Variants in NIPBL observed in about 807,000 individuals in gnomAD.
NIPBL encodes the protein nipped-B-like protein.
In NIPBL, 19 loss-of-function variants were observed where a neutral mutation model predicts 321.8. That is an observed-to-expected ratio of 0.06 (90% CI 0.04 to 0.09). The LOEUF is 0.09. Among genes scored for constraint, NIPBL ranks in the 10% least tolerant of loss-of-function variants. The probability of loss-of-function intolerance (pLI) is 1.00; values close to 1 mark genes in which losing one functional copy is unlikely to be tolerated. For missense variants in NIPBL, 2,210 were observed against 3,327.0 expected (o/e 0.66, Z 8.26); for synonymous variants, 1,106 against 1,114.1 (o/e 0.99, Z 0.14).
chr5:37,043,205 G>T (rs1752627650), intron 34 of NIPBL, among the ~76,000 whole-genome samples: 1 of 152,060 alleles, frequency 6.6e-6, no homozygotes, highest in Admixed American at 6.6e-5. Flanking sequence ...AAACCAGCCT[G>T]CGCAACATAG....
rs2149724145 is a variant in NIPBL, at chr5:37,040,722, G to A, written c.6108+1984G>A. Among the ~76,000 whole-genome samples, 3 of 152,230 alleles carry A rather than the reference G, an allele frequency of 2.0e-5. 1 individual carries two copies. In the South Asian group the frequency reaches 6.2e-4, roughly 32 times the overall value. ...TTTGTTGGAACAGTTTCTGAGAAGT[G>A]GACTTGCTAGGTTGAAACAATGGTT... On this transcript the variant is annotated intron_variant, in intron 34 of 46. Coordinates refer to ENST00000282516, the MANE Select transcript of NIPBL (RefSeq NM_133433.4).
intron 1 of NIPBL, 108 bp from the exon 2 acceptor site, chr5:36,953,510 G>A (rs1359307311): frequency 1.6e-6 from 1 of 619,172 alleles, no homozygotes; most frequent in Non-Finnish European, 2.9e-6. Flanking sequence ...TATTATATAG[G>A]TTGAACAAAC....
chr5:37,002,441 A>C (rs1343587747), intron 14 of NIPBL, among the ~76,000 whole-genome samples: 1 of 152,206 alleles, frequency 6.6e-6, no homozygotes, highest in Non-Finnish European at 1.5e-5. Flanking sequence ...CTAAAGTAGT[A>C]AAGATAAGAT....
chr5:36,947,098 AAT>A (rs1298076491), intron 1 of NIPBL, among the ~76,000 whole-genome samples: 2 of 152,102 alleles, frequency 1.3e-5, no homozygotes, highest in African/African-American at 4.8e-5. Context: ...TAAGGAAAGG[AAT>A]ATATAAATAT....
chr5:37,021,997 A>T, intron 27 of NIPBL, 54 bp from the exon 28 acceptor site: 1 of 1,323,166 alleles, frequency 7.6e-7, no homozygotes, highest in Non-Finnish European at 1.1e-6. Context: ...TGCTATTTTT[A>T]ATTAAATTTT....
chr5:36,923,911 A>T (rs555862933), intron 1 of NIPBL, among the ~76,000 whole-genome samples: 3 of 152,336 alleles, frequency 2.0e-5, no homozygotes, highest in Middle Eastern at 3.4e-3. Context: ...TTTTGAGTGA[A>T]TGAATTCCTG....
intron 2 of NIPBL, 40 bp downstream of exon 2, chr5:36,953,800 T>G: frequency 6.7e-7 from 1 of 1,498,600 alleles, no homozygotes; most frequent in Non-Finnish European, 9.3e-7. Flanking sequence ...TTCTACTGTG[T>G]GTTAACAATA....
chr5:37,055,208 A>G (rs1753969584), intron 42 of NIPBL, among the ~76,000 whole-genome samples: 1 of 152,000 alleles, frequency 6.6e-6, no homozygotes, highest in African/African-American at 2.4e-5. Context: ...AAAATTAGCC[A>G]GGCATGATGG....
intron 1 of NIPBL, among the ~76,000 whole-genome samples, chr5:36,898,110 C>T (rs1746911087): frequency 1.3e-5 from 2 of 152,036 alleles, no homozygotes; most frequent in South Asian, 4.1e-4. Context: ...TAAAAAGATG[C>T]CCAAACTTAC....
chr5:36,918,964 AG>A (rs1284688918), intron 1 of NIPBL, among the ~76,000 whole-genome samples: 2 of 152,084 alleles, frequency 1.3e-5, no homozygotes. Context: ...AATGTCCATC[AG>A]GGGTATTGGT....
At chr5:37,003,723 A>G (rs1243655120) in intron 16 of NIPBL, among the ~76,000 whole-genome samples, 1 of 152,140 alleles carries the variant, frequency 6.6e-6, no homozygotes, top group Non-Finnish European at 1.5e-5. Flanking sequence ...ACATTTCGTT[A>G]ATTTGAGCAT....
chr5:37,000,695 AGTTTCTATGTGCAGT>A (rs1746690459), intron 12 of NIPBL, 107 bp from the exon 13 acceptor site: 2 of 1,266,186 alleles, frequency 1.6e-6, no homozygotes, highest in Non-Finnish European at 2.3e-6. Context: ...AAAAATACTT[AGTTTCTATGTGCAGT>A]GATTATCGTT....
intron 1 of NIPBL, among the ~76,000 whole-genome samples, chr5:36,884,051 T>C (rs1220561889): frequency 6.6e-6 from 1 of 152,116 alleles, no homozygotes; most frequent in Non-Finnish European, 1.5e-5. Context: ...ATTTGGAAAC[T>C]AGTGTTTATT....
chr5:37,009,235 C>CA lies in NIPBL; in HGVS notation c.4421+523dup, dbSNP rs1014621127. On this transcript the variant is annotated intron_variant, in intron 20 of 46. Transcript: ENST00000282516. ...AGGATTTTATAAGATTTTTGTGTCTCAAAAAAAAAAATAAAAAACAGAAAG... is the reference window on the plus strand; with the variant it reads ...AGGATTTTATAAGATTTTTGTGTCTCAAAAAAAAAAAATAAAAAACAGAAAG... Among the ~76,000 whole-genome samples, 411 of 138,778 alleles carry CA rather than the reference C, an allele frequency of 3.0e-3. 1 individual carries two copies. Among genetic ancestry groups the CA allele is most frequent in the Admixed American group, 5.2e-3 (73 of 13,974 alleles). 91.0% of individuals were successfully genotyped at this position (138,778 alleles called of 152,430 possible).
intron 1 of NIPBL, among the ~76,000 whole-genome samples, chr5:36,895,872 A>G (rs1261644416): frequency 6.6e-6 from 1 of 152,232 alleles, no homozygotes; most frequent in African/African-American, 2.4e-5. Flanking sequence ...CTTATCAGAT[A>G]CGTGATTTGC....
At chr5:37,020,426 C>T (rs756374756) in intron 25 of NIPBL, 33 bp from the exon 26 acceptor site, 11 of 1,428,568 alleles carry the variant, frequency 7.7e-6, no homozygotes, top group Non-Finnish European at 1.1e-5. Context: ...TTGCTAATTT[C>T]ATCAAGCTCA....
intron 21 of NIPBL, among the ~76,000 whole-genome samples, chr5:37,010,512 C>T (rs1380563631): frequency 1.3e-5 from 2 of 152,048 alleles, no homozygotes; most frequent in Admixed American, 6.6e-5. Flanking sequence ...GACGGGTTTT[C>T]GCCATGTTGG....
At position 36,985,955 on chromosome 5, in the gene NIPBL, G is replaced by C. The variant is rs1247044982; in HGVS notation, c.2775G>C (p.Lys925Asn). The C allele has an allele frequency of 3.1e-6, 5 of 1,613,940 alleles. No homozygotes were observed. Among genetic ancestry groups the C allele is most frequent in the East Asian group, 2.2e-5 (1 of 44,874 alleles). ...ATGACAAAAGGACAGAGGGTAACAAGAGTAAAGTAGACACTAATAAAGCAC... is the reference window on the plus strand; with the variant it reads ...ATGACAAAAGGACAGAGGGTAACAACAGTAAAGTAGACACTAATAAAGCAC... Reference protein sequence around the residue: ...SKDDKRTEGNKSKVDTNKAHP... With the variant: ...SKDDKRTEGNNSKVDTNKAHP... The change falls in exon 10 of 47, where the codon AAG becomes AAC. Residue 925 changes from lysine (K) to asparagine (N), a missense_variant. Around this residue, in one of 14 missense-constraint regions of NIPBL, gnomAD observed 588 missense variants for 564.1 expected, o/e 1.04. Coordinates refer to ENST00000282516, the MANE Select transcript of NIPBL (RefSeq NM_133433.4).
intron 33 of NIPBL, among the ~76,000 whole-genome samples, chr5:37,038,215 C>T (rs921618651): frequency 6.6e-6 from 1 of 152,060 alleles, no homozygotes; most frequent in African/African-American, 2.4e-5. Flanking sequence ...ATCTCAGATT[C>T]CTAGACTCAA....
Sources: allele counts gnomAD v4.1 joint callset (sites outside exome capture counted in the v4.1 genomes callset), GRCh38; gene constraint gnomAD v4.1.1; regional missense constraint gnomAD v4.1.1; transcripts MANE v1.5; gene names NCBI Gene and HGNC (gene_info 2026-07-23, HGNC 2026-07-21).